The following CHN2 variants were observed in gnomAD, a reference collection of about 807,000 sequenced individuals.
CHN2 encodes the protein chimerin 2.
Under a neutral mutation model 56.3 loss-of-function variants are expected in CHN2, and 35 were observed. The observed-to-expected ratio is 0.62, with a 90% CI of 0.47 to 0.82. The LOEUF (loss-of-function observed/expected upper bound fraction) is 0.82. CHN2 is among the 40% of genes least tolerant of loss of function. The pLI is 0.00. For missense variants in CHN2, 491 were observed against 580.5 expected, an observed-to-expected ratio of 0.85 and a Z score of 1.58; for synonymous variants, 210 against 212.8, an observed-to-expected ratio of 0.99 and a Z score of 0.12.
intron 1 of CHN2, among the ~76,000 whole-genome samples, chr7:29,224,931 A>G (rs1786077301): frequency 6.6e-6 from 1 of 152,198 alleles, no homozygotes; most frequent in Non-Finnish European, 1.5e-5. Flanking sequence ...AACACATATC[A>G]TCTCCGGAGA....
chr7:29,472,814 TA>T (rs935436890), intron 6 of CHN2, among the ~76,000 whole-genome samples: 5 of 152,338 alleles, frequency 3.3e-5, no homozygotes, highest in Admixed American at 2.0e-4. Context: ...TAGATGTTTG[TA>T]AAATTCCTCT....
In CHN2 at chr7:29,253,474, T is replaced by G. The variant is rs1350557482; in HGVS notation, c.49+58484T>G. 2.6e-5 allele frequency among the ~76,000 whole-genome samples: 4 copies of G among 152,230 alleles called. No individual in the cohort carries two copies. In the South Asian group the frequency reaches 8.3e-4, roughly 32 times the overall value. ...GTGAGAGTCTGGGAAATTTAGTTTT[T>G]AGCTGGATTCAGTGGTGCTCTGAAC... On this transcript the variant is annotated intron_variant, in intron 1 of 12. Coordinates refer to ENST00000222792, the MANE Select transcript of CHN2 (RefSeq NM_004067.4).
chr7:29,429,279 T>C (rs1223518995), intron 6 of CHN2, among the ~76,000 whole-genome samples: 1 of 152,224 alleles, frequency 6.6e-6, no homozygotes, highest in African/African-American at 2.4e-5. Context: ...TTATCTGAAA[T>C]AGCTATGCAT....
chr7:29,367,999 G>A lies in CHN2; in HGVS notation c.144+12G>A, dbSNP rs1799307937. Reference sequence around the variant, plus strand: ...TTTGTCCTCGGGAGGTCAGTGCTCAGCTATTTCCAATACACCTTGTTAAAT... The same window carrying A: ...TTTGTCCTCGGGAGGTCAGTGCTCAACTATTTCCAATACACCTTGTTAAAT... On this transcript the variant is annotated intron_variant, in intron 3 of 12. Coordinates refer to ENST00000222792, the MANE Select transcript of CHN2 (RefSeq NM_004067.4). 6.2e-7 allele frequency: 1 copy of A among 1,606,244 alleles called. No individual in the cohort carries two copies. Among genetic ancestry groups the A allele is most frequent in the Non-Finnish European group, 8.5e-7 (1 of 1,176,216 alleles).
intron 2 of CHN2, among the ~76,000 whole-genome samples, chr7:29,358,226 T>C (rs1220043458): frequency 1.3e-5 from 2 of 152,122 alleles, no homozygotes; most frequent in Non-Finnish European, 2.9e-5. Flanking sequence ...AATTATGGCA[T>C]TATTCCTACA....
intron 2 of CHN2, among the ~76,000 whole-genome samples, chr7:29,186,737 T>TA (rs1554355968): frequency 6.6e-6 from 1 of 152,142 alleles, no homozygotes; most frequent in Non-Finnish European, 1.5e-5. Context: ...GGAAAATACT[T>TA]ACCATAACAG....
At chr7:29,242,138 C>T (rs565389107) in intron 1 of CHN2, among the ~76,000 whole-genome samples, 52 of 152,180 alleles carry the variant, frequency 3.4e-4, no homozygotes, top group African/African-American at 5.1e-4. Flanking sequence ...TGTAGTTAAG[C>T]GACTTGCCCA....
chr7:29,375,673 C>T (rs1034593228), intron 3 of CHN2, among the ~76,000 whole-genome samples: 2 of 152,214 alleles, frequency 1.3e-5, no homozygotes, highest in Non-Finnish European at 2.9e-5. Context: ...GATCCCATTA[C>T]TCATTGATCT....
intron 6 of CHN2, among the ~76,000 whole-genome samples, chr7:29,405,893 C>T (rs1273560326): frequency 4.6e-5 from 7 of 152,152 alleles, no homozygotes; most frequent in African/African-American, 1.7e-4. Context: ...GGTATCTTTG[C>T]CTAGGAATGA....
chr7:29,504,759 G>A lies in CHN2; in HGVS notation c.929G>A (p.Gly310Asp). Residue 310 changes from glycine to aspartate, a missense_variant, in exon 10 of 13, where the codon GGC (glycine) becomes GAC (aspartate). Coordinates refer to ENST00000222792, the MANE Select transcript of CHN2 (RefSeq NM_004067.4). ...TCTCTAACAGGATTAAAATCGGAAGGCCTTTACAGAGTCTCTGGGTTCACT... is the reference window on the plus strand; with the variant it reads ...TCTCTAACAGGATTAAAATCGGAAGACCTTTACAGAGTCTCTGGGTTCACT... ...EIEARGLKSEGLYRVSGFTEH... is the reference protein window; with the variant it reads ...EIEARGLKSEDLYRVSGFTEH... 1.2e-6 allele frequency: 2 copies of A among 1,611,330 alleles called. No homozygotes were observed. Among genetic ancestry groups the A allele is most frequent in the Non-Finnish European group, 1.7e-6 (2 of 1,178,712 alleles).
intron 1 of CHN2, among the ~76,000 whole-genome samples, chr7:29,196,331 CGTT>C (rs1783711144): frequency 6.6e-6 from 1 of 152,270 alleles, no homozygotes; most frequent in South Asian, 2.1e-4. Flanking sequence ...ATTGAAAACA[CGTT>C]GTTGTTAGGT....
chr7:29,435,766 T>C (rs1004540471), intron 6 of CHN2, among the ~76,000 whole-genome samples: 1 of 152,092 alleles, frequency 6.6e-6, no homozygotes, highest in Non-Finnish European at 1.5e-5. Flanking sequence ...GAACCACCAG[T>C]CTAGGAATTC....
chr7:29,422,100 A>G (rs1233346609), intron 6 of CHN2, among the ~76,000 whole-genome samples: 4 of 152,220 alleles, frequency 2.6e-5, no homozygotes, highest in African/African-American at 4.8e-5. Flanking sequence ...GCAAGTATAC[A>G]TGGTCAGAAT....
In CHN2 at chr7:29,460,144, G is replaced by A. The variant is rs1368054820; in HGVS notation, c.577-20135G>A. Among the ~76,000 whole-genome samples, 3 of 152,164 alleles carry A rather than the reference G, an allele frequency of 2.0e-5. No individual in the cohort carries two copies. The East Asian group carries it at 5.8e-4, about 29-fold the overall frequency. On this transcript the variant is annotated intron_variant, in intron 6 of 12. Coordinates refer to ENST00000222792, the MANE Select transcript of CHN2 (RefSeq NM_004067.4). ...TGATTTAATTGATCTGGGGTACCAA[G>A]TAGACTTCTGGATTTTTAAAGCCCC... is the stretch of plus-strand genomic sequence containing the variant.
At chr7:29,324,235 G>C (rs193122548) in intron 1 of CHN2, among the ~76,000 whole-genome samples, 14 of 152,066 alleles carry the variant, frequency 9.2e-5, no homozygotes, top group East Asian at 1.9e-4. Flanking sequence ...TTGAAGTTGC[G>C]TATCTTACAA....
At chr7:29,297,129 A>G (rs774726245) in intron 1 of CHN2, among the ~76,000 whole-genome samples, 2 of 152,202 alleles carry the variant, frequency 1.3e-5, no homozygotes, top group African/African-American at 2.4e-5. Flanking sequence ...GAAAAGGAAA[A>G]AAAGGGGAAA....
intron 6 of CHN2, among the ~76,000 whole-genome samples, chr7:29,450,304 A>G (rs1784318524): frequency 6.6e-6 from 1 of 152,236 alleles, no homozygotes; most frequent in African/African-American, 2.4e-5. Context: ...CCTAGAGCCA[A>G]TAACTGTGAC....
Position 29,249,270 on chromosome 7 carries a change from G to A in CHN2, c.49+54280G>A, listed in dbSNP as rs143035866. Among the ~76,000 whole-genome samples, 1,229 of 152,284 alleles carry A rather than the reference G, an allele frequency of 8.1e-3. 17 individuals carry two copies. Among genetic ancestry groups the A allele is most frequent in the African/African-American group, 0.028 (1,147 of 41,556 alleles). ...GTTTGAGGCCAAAGGCCTGAGAACC[G>A]GCGGGGCTGCTGGTGTAAGTTCCGG... On this transcript the variant is annotated intron_variant, in intron 1 of 12. Coordinates refer to ENST00000222792, the MANE Select transcript of CHN2 (RefSeq NM_004067.4).
At chr7:29,208,230 A>G (rs1485418530) in intron 1 of CHN2, among the ~76,000 whole-genome samples, 1 of 152,180 alleles carries the variant, frequency 6.6e-6, no homozygotes, top group Non-Finnish European at 1.5e-5. Context: ...TCAGTATCCA[A>G]TGGCCTGCGT....
Sources: gnomAD v4.1 joint callset for allele counts (sites outside exome capture counted in the v4.1 genomes callset) on GRCh38, gnomAD v4.1.1 for gene constraint, MANE v1.5 for transcripts, NCBI Gene and HGNC (gene_info 2026-07-23, HGNC 2026-07-21) for gene names.